The following IMPA1 variants were observed in gnomAD, a reference collection of about 807,000 sequenced individuals.
IMPA1 encodes inositol monophosphatase 1.
A neutral mutation model predicts 34.9 loss-of-function variants in IMPA1; 21 were observed. That is an observed-to-expected ratio of 0.60 (90% CI 0.43 to 0.87). The LOEUF (loss-of-function observed/expected upper bound fraction) is 0.87. IMPA1 is among the 40% of genes least tolerant of loss of function. IMPA1 has a pLI of 0.00. For missense variants in IMPA1, 299 were observed against 336.4 expected (o/e 0.89, Z 0.87); for synonymous variants, 95 against 104.4 (o/e 0.91, Z 0.55).
intron 1 of IMPA1, chr8:81,685,857 T>C (rs1431135818): frequency 7.1e-6 from 11 of 1,550,016 alleles, no homozygotes; most frequent in Non-Finnish European, 9.6e-6. Context: ...CACCTTCCTT[T>C]TTGCCACCTG....
At chr8:81,674,116 G>A in intron 5 of IMPA1, 167 bp from the exon 6 acceptor site, 1 of 559,274 alleles carries the variant, frequency 1.8e-6, no homozygotes, top group Non-Finnish European at 3.2e-6. Flanking sequence ...AGAGAAAGAG[G>A]TCACCAGAAC....
chr8:81,677,125 A>G (rs1234038252), intron 4 of IMPA1, among the ~76,000 whole-genome samples: 2 of 151,806 alleles, frequency 1.3e-5, no homozygotes, highest in South Asian at 2.1e-4. Context: ...GACGAAGTTA[A>G]GCTCTTGTTG....
chr8:81,681,762 T>C (rs1000328261), intron 1 of IMPA1, among the ~76,000 whole-genome samples, 178 bp from the exon 2 acceptor site: 1 of 152,238 alleles, frequency 6.6e-6, no homozygotes, highest in Non-Finnish European at 1.5e-5. Context: ...ACCTAATTTC[T>C]ATATCAAATT....
chr8:81,680,149 AAG>A (rs978914218), intron 3 of IMPA1, among the ~76,000 whole-genome samples: 6 of 151,160 alleles, frequency 4.0e-5, no homozygotes, highest in Admixed American at 1.3e-4. Context: ...AAAAAAAAAA[AAG>A]GTCACTCTCT....
intron 7 of IMPA1, among the ~76,000 whole-genome samples, chr8:81,669,513 A>G (rs781780533): frequency 3.9e-5 from 6 of 152,158 alleles, no homozygotes; most frequent in African/African-American, 9.7e-5. Context: ...GGAATTCTGG[A>G]CTTGCCTAGC....
chr8:81,678,145 C>T (rs936914101), intron 4 of IMPA1, among the ~76,000 whole-genome samples: 2 of 151,968 alleles, frequency 1.3e-5, no homozygotes, highest in South Asian at 2.1e-4. Flanking sequence ...CCAGAATGCA[C>T]GTCTATTCAT....
In IMPA1 at chr8:81,659,095, T is replaced by G. The variant is rs552863713; in HGVS notation, c.*256A>C. 2 of 452,626 alleles carry G rather than the reference T, an allele frequency of 4.4e-6. No individual in the cohort carries two copies. Among genetic ancestry groups the G allele is most frequent in the African/African-American group, 4.1e-5 (2 of 49,276 alleles). The allele number at this position is 452,626 out of a possible 1,614,324, so 28.0% of individuals were successfully genotyped here. Reference sequence around the variant, plus strand: ...TGCTAATTGACTATTTCAGTTGATGTTATATTTATCAACTGTACTTCCTGG... The same window carrying G: ...TGCTAATTGACTATTTCAGTTGATGGTATATTTATCAACTGTACTTCCTGG... On this transcript the variant is annotated 3_prime_UTR_variant, in exon 9 of 9. Transcript: ENST00000256108.
intron 7 of IMPA1, 73 bp downstream of exon 7, chr8:81,670,866 C>CA: frequency 1.5e-6 from 1 of 679,068 alleles, no homozygotes; most frequent in Non-Finnish European, 2.4e-6. Flanking sequence ...TAAAATGGTA[C>CA]AGGAAAAAAA....
At chr8:81,681,436 A>AAC (rs777551940) in intron 2 of IMPA1, 62 bp downstream of exon 2, 3 of 920,598 alleles carry the variant, frequency 3.3e-6, no homozygotes, top group Non-Finnish European at 5.3e-6. Context: ...ACAAGGCAAC[A>AAC]ACACAGTATA....
At chr8:81,683,259 T>A (rs569665223) in intron 1 of IMPA1, among the ~76,000 whole-genome samples, 3 of 152,074 alleles carry the variant, frequency 2.0e-5, no homozygotes, top group African/African-American at 7.2e-5. Context: ...GGATAAGACA[T>A]TGATTGAAGG....
chr8:81,668,297 C>G (rs1389082210), intron 7 of IMPA1, among the ~76,000 whole-genome samples: 3 of 152,160 alleles, frequency 2.0e-5, no homozygotes, highest in Admixed American at 6.5e-5. Flanking sequence ...AAAGGGGAAG[C>G]AGAGTGGCCA....
chr8:81,684,281 G>A (rs1268590256), intron 1 of IMPA1, among the ~76,000 whole-genome samples: 1 of 135,610 alleles, frequency 7.4e-6, no homozygotes, highest in Non-Finnish European at 1.5e-5. Flanking sequence ...CCATACATAA[G>A]TATATTTAGA....
intron 1 of IMPA1, among the ~76,000 whole-genome samples, chr8:81,684,927 GTATATATACTATACATAAGTATA>G (rs1807452143): frequency 7.9e-6 from 1 of 126,852 alleles, no homozygotes; most frequent in East Asian, 2.4e-4. Flanking sequence ...ACTATGTATA[GTATATATACTATACATAAGTATA>G]TTTAGATACT....
chr8:81,674,539 T>C (rs1033063322), intron 5 of IMPA1: 5 of 258,760 alleles, frequency 1.9e-5, no homozygotes, highest in African/African-American at 9.2e-5. Context: ...GTCTGAAGAA[T>C]TGGAGTCTAC....
At chr8:81,674,740 C>T (rs776129037) in intron 5 of IMPA1, 3 of 446,764 alleles carry the variant, frequency 6.7e-6, no homozygotes, top group Non-Finnish European at 1.3e-5. Context: ...TTTTAGCTCT[C>T]CATATTCACA....
chr8:81,685,032 CTA>C (rs1049890114), intron 1 of IMPA1, among the ~76,000 whole-genome samples: 4 of 131,524 alleles, frequency 3.0e-5, no homozygotes, highest in African/African-American at 8.6e-5. Context: ...TATTTAGATA[CTA>C]TATATAGTAT....
At chr8:81,664,406 G>A (rs1216852106) in intron 7 of IMPA1, among the ~76,000 whole-genome samples, 13 of 152,272 alleles carry the variant, frequency 8.5e-5, no homozygotes, top group Admixed American at 1.3e-4. Flanking sequence ...CCGGAAGCCC[G>A]TAGATACACA....
intron 1 of IMPA1, among the ~76,000 whole-genome samples, chr8:81,682,383 T>C (rs1228739378): frequency 1.3e-5 from 2 of 152,106 alleles, no homozygotes; most frequent in Non-Finnish European, 2.9e-5. Context: ...CCTAATTTTG[T>C]CTCCTTTCCA....
At chr8:81,669,953 C>T (rs1260560276) in intron 7 of IMPA1, among the ~76,000 whole-genome samples, 1 of 152,166 alleles carries the variant, frequency 6.6e-6, no homozygotes, top group Non-Finnish European at 1.5e-5. Context: ...GAACAGAGAC[C>T]TGAGCTAGCA....
Sources: gnomAD v4.1 joint callset for allele counts (sites outside exome capture counted in the v4.1 genomes callset) on GRCh38, gnomAD v4.1.1 for gene constraint, MANE v1.5 for transcripts, NCBI Gene and HGNC (gene_info 2026-07-23, HGNC 2026-07-21) for gene names.